The following CNTN5 variants were observed in gnomAD, a reference collection of about 807,000 sequenced individuals.
CNTN5 encodes the protein contactin-5.
A neutral mutation model predicts 129.1 loss-of-function variants in CNTN5; 77 were observed. The ratio of observed to expected loss-of-function variants is 0.60; its 90% CI spans 0.50 to 0.72. CNTN5 has a LOEUF of 0.72. CNTN5 is among the 30% of genes least tolerant of loss of function. The pLI is 0.00. For missense variants in CNTN5, 1,478 were observed against 1,328.8 expected, an observed-to-expected ratio of 1.11 and a Z score of -1.75; for synonymous variants, 509 against 465.6, an observed-to-expected ratio of 1.09 and a Z score of -1.20.
At chr11:99,709,530 A>C (rs969745076) in intron 3 of CNTN5, among the ~76,000 whole-genome samples, 4 of 151,840 alleles carry the variant, frequency 2.6e-5, no homozygotes, top group Non-Finnish European at 5.9e-5. Flanking sequence ...ATATGCATAT[A>C]TACATATGTG....
chr11:99,572,393 G>A (rs1467062194), intron 3 of CNTN5, among the ~76,000 whole-genome samples: 1 of 152,210 alleles, frequency 6.6e-6, no homozygotes, highest in Non-Finnish European at 1.5e-5. Context: ...GCTGGCCACG[G>A]TTTGGACAAG....
chr11:99,303,342 A>G (rs1381329), intron 1 of CNTN5, among the ~76,000 whole-genome samples: 139,682 of 151,572 alleles, frequency 0.92, 64,456 homozygotes, highest in East Asian at 1. Context: ...AGATAGTGTT[A>G]CAATATAAAA....
intron 1 of CNTN5, among the ~76,000 whole-genome samples, chr11:99,059,129 A>G (rs7942264): frequency 0.17 from 24,948 of 145,036 alleles, 4,085 homozygotes; most frequent in East Asian, 0.47. Context: ...TTTTTCAGAG[A>G]CATGATGCTT....
chr11:100,247,161 G>C (rs957531628), intron 16 of CNTN5, among the ~76,000 whole-genome samples: 4 of 152,136 alleles, frequency 2.6e-5, no homozygotes, highest in Admixed American at 1.3e-4. Flanking sequence ...AAAATGTGAA[G>C]CCTAAATAGG....
chr11:99,897,476 G>C (rs1949237103), intron 6 of CNTN5, among the ~76,000 whole-genome samples: 2 of 152,030 alleles, frequency 1.3e-5, no homozygotes, highest in African/African-American at 4.8e-5. Flanking sequence ...CAAGCCAAAA[G>C]AGGTTGGTGT....
chr11:100,052,030 C>A (rs530915266), intron 9 of CNTN5, among the ~76,000 whole-genome samples: 1 of 151,798 alleles, frequency 6.6e-6, no homozygotes, highest in Non-Finnish European at 1.5e-5. Context: ...AATTATATAA[C>A]GTGGCCAACC....
chr11:100,257,127 T>C (rs181989542), intron 17 of CNTN5, among the ~76,000 whole-genome samples: 361 of 152,212 alleles, frequency 2.4e-3, no homozygotes, highest in Middle Eastern at 6.8e-3. Context: ...TTACTGAGGA[T>C]TGAGTCGGTG....
chr11:99,121,606 A>G (rs997931960), intron 1 of CNTN5, among the ~76,000 whole-genome samples: 4 of 152,146 alleles, frequency 2.6e-5, no homozygotes, highest in South Asian at 2.1e-4. Flanking sequence ...TTTGCCCACA[A>G]CTCACTGCAA....
chr11:99,752,894 A>G (rs1021448634), intron 3 of CNTN5, among the ~76,000 whole-genome samples: 15 of 152,306 alleles, frequency 9.8e-5, no homozygotes, highest in African/African-American at 3.4e-4. Flanking sequence ...TCACAGGAAG[A>G]ATAGAATATA....
chr11:100,283,289 C>G (rs1345484179), intron 18 of CNTN5, among the ~76,000 whole-genome samples: 1 of 152,150 alleles, frequency 6.6e-6, no homozygotes, highest in Non-Finnish European at 1.5e-5. Flanking sequence ...TGTGGCTGAG[C>G]TGGTATCCAA....
chr11:99,230,530 G>T (rs1354019775), intron 1 of CNTN5, among the ~76,000 whole-genome samples: 1 of 152,132 alleles, frequency 6.6e-6, no homozygotes, highest in African/African-American at 2.4e-5. Context: ...AAGAAGCAGA[G>T]CAACACCTCA....
intron 2 of CNTN5, among the ~76,000 whole-genome samples, chr11:99,365,164 T>C (rs527318972): frequency 6.6e-6 from 1 of 152,308 alleles, no homozygotes; most frequent in South Asian, 2.1e-4. Flanking sequence ...AGTGCTTTGA[T>C]ACTGTACAAT....
At chr11:99,339,788 G>A (rs75920470) in intron 2 of CNTN5, among the ~76,000 whole-genome samples, 354 of 140,050 alleles carry the variant, frequency 2.5e-3, no homozygotes, top group Non-Finnish European at 2.8e-3. Context: ...ACTCAAAAAA[G>A]AAAAAAAAAA....
chr11:100,237,948 A>T (rs186914255), intron 16 of CNTN5, among the ~76,000 whole-genome samples: 13 of 152,290 alleles, frequency 8.5e-5, no homozygotes, highest in African/African-American at 2.9e-4. Flanking sequence ...GATGGGAAAA[A>T]TAGTTCCTAG....
intron 3 of CNTN5, among the ~76,000 whole-genome samples, chr11:99,798,423 A>G (rs1300024786): frequency 6.6e-6 from 1 of 152,098 alleles, no homozygotes; most frequent in East Asian, 1.9e-4. Context: ...ATTTTTATCT[A>G]TCTTGAATTA....
At chr11:99,629,489 T>C (rs1010291420) in intron 3 of CNTN5, among the ~76,000 whole-genome samples, 1 of 152,036 alleles carries the variant, frequency 6.6e-6, no homozygotes, top group Admixed American at 6.6e-5. Context: ...TCTATGAATA[T>C]CTTAACATCC....
intron 1 of CNTN5, among the ~76,000 whole-genome samples, chr11:99,077,722 A>G (rs1024784089): frequency 1.3e-5 from 2 of 152,136 alleles, no homozygotes; most frequent in African/African-American, 2.4e-5. Context: ...GTTTTTCCCA[A>G]CCTGTTCTGT....
At chr11:99,064,817 C>G (rs1865035226) in intron 1 of CNTN5, among the ~76,000 whole-genome samples, 1 of 151,914 alleles carries the variant, frequency 6.6e-6, no homozygotes, top group African/African-American at 2.4e-5. Flanking sequence ...CTTGTAAAAA[C>G]CAGTACTTTG....
intron 7 of CNTN5, among the ~76,000 whole-genome samples, chr11:99,938,537 T>A (rs1052046981): frequency 6.6e-6 from 1 of 152,118 alleles, no homozygotes; most frequent in Non-Finnish European, 1.5e-5. Context: ...AGTTCTGAAT[T>A]ATTTTAAGCC....
Sources: allele counts gnomAD v4.1 joint callset (sites outside exome capture counted in the v4.1 genomes callset), GRCh38; gene constraint gnomAD v4.1.1; transcripts MANE v1.5; gene names NCBI Gene and HGNC (gene_info 2026-07-23, HGNC 2026-07-21).